The following ANKS1B variants were observed in gnomAD, a reference collection of about 807,000 sequenced individuals.
The protein encoded by ANKS1B is ankyrin repeat and sterile alpha motif domain containing 1B.
Under a neutral mutation model 148.3 loss-of-function variants are expected in ANKS1B, and 36 were observed. The ratio of observed to expected loss-of-function variants is 0.24; its 90% CI spans 0.19 to 0.32. The LOEUF is 0.32. ANKS1B is among the 10% of genes least tolerant of loss of function. The probability of loss-of-function intolerance (pLI) is 1.00; values close to 1 mark genes in which losing one functional copy is unlikely to be tolerated. For missense variants in ANKS1B, 1,157 were observed against 1,542.6 expected (o/e 0.75, Z 4.19); for synonymous variants, 542 against 560.8 (o/e 0.97, Z 0.47).
At chr12:98,765,060 C>T (rs1001248312) in intron 25 of ANKS1B, among the ~76,000 whole-genome samples, 6 of 152,180 alleles carry the variant, frequency 3.9e-5, no homozygotes, top group Non-Finnish European at 5.9e-5. Context: ...AAAACCGGGA[C>T]ATAAAGCCTC....
chr12:99,446,590 T>C (rs966041947), intron 10 of ANKS1B, among the ~76,000 whole-genome samples: 2 of 152,100 alleles, frequency 1.3e-5, no homozygotes, highest in African/African-American at 4.8e-5. Flanking sequence ...GATGCCATGT[T>C]ACCCTTCTGA....
At chr12:98,886,397 T>G (rs111653245) in intron 17 of ANKS1B, among the ~76,000 whole-genome samples, 9 of 152,070 alleles carry the variant, frequency 5.9e-5, no homozygotes, top group African/African-American at 1.7e-4. Flanking sequence ...CTTCTGATAG[T>G]TGAATTACTG....
intron 2 of ANKS1B, among the ~76,000 whole-genome samples, chr12:99,819,209 A>G (rs1243986806): frequency 6.6e-6 from 1 of 151,932 alleles, no homozygotes; most frequent in Non-Finnish European, 1.5e-5. Context: ...AAAAGATTTC[A>G]GGACAATACG....
At chr12:98,938,858 G>A (rs76958213) in intron 17 of ANKS1B, among the ~76,000 whole-genome samples, 16 of 152,234 alleles carry the variant, frequency 1.1e-4, no homozygotes, top group African/African-American at 3.9e-4. Flanking sequence ...GTTGGGCAAC[G>A]TGAAAATGTG....
chr12:99,179,158 G>A lies in ANKS1B; in HGVS notation c.2420-24763C>T, dbSNP rs188936897. Reference sequence around the variant, plus strand: ...ATAAATTTAGTTGAGGCCGGGCGCGGTGGCTCATGCCTATAATCCCAGCAC... The same window carrying A: ...ATAAATTTAGTTGAGGCCGGGCGCGATGGCTCATGCCTATAATCCCAGCAC... On this transcript the variant is annotated intron_variant, in intron 14 of 26. Transcript: ENST00000683438. 3.6e-3 allele frequency among the ~76,000 whole-genome samples: 551 copies of A among 152,266 alleles called. 4 individuals carry two copies. The highest frequency in any genetic ancestry group is 0.012 in the African/African-American group (519 of 41,570).
intron 1 of ANKS1B, among the ~76,000 whole-genome samples, chr12:99,924,824 G>C (rs1407437871): frequency 2.6e-5 from 4 of 152,088 alleles, no homozygotes; most frequent in Non-Finnish European, 5.9e-5. Flanking sequence ...TCTTATTATA[G>C]CTGCCCAAAT....
At chr12:99,888,087 A>G (rs2092917946) in intron 1 of ANKS1B, among the ~76,000 whole-genome samples, 1 of 152,218 alleles carries the variant, frequency 6.6e-6, no homozygotes, top group Non-Finnish European at 1.5e-5. Context: ...CAGACGTAGA[A>G]AGAGACATAG....
chr12:99,276,388 T>C (rs2153993876), intron 12 of ANKS1B, among the ~76,000 whole-genome samples: 1 of 152,264 alleles, frequency 6.6e-6, no homozygotes, highest in African/African-American at 2.4e-5. Flanking sequence ...ATGATTAAAG[T>C]AAAATGATGC....
intron 17 of ANKS1B, chr12:98,894,984 T>TGGCGGCAGC (rs1301522375): frequency 4.1e-5 from 32 of 780,132 alleles, no homozygotes; most frequent in East Asian, 3.9e-4. Context: ...GCGCCTGCCC[T>TGGCGGCAGC]GGCGGCAGCG....
intron 9 of ANKS1B, among the ~76,000 whole-genome samples, chr12:99,652,710 T>C (rs898069009): frequency 2.0e-4 from 30 of 152,106 alleles, no homozygotes; most frequent in African/African-American, 7.2e-4. Flanking sequence ...TTTAATTTAA[T>C]AATGGATAAT....
chr12:99,098,714 C>A lies in ANKS1B; in HGVS notation c.2527-13691G>T, dbSNP rs368805443. On this transcript the variant is annotated intron_variant, in intron 15 of 26. Transcript: ENST00000683438. ...TCATGTTGTTTTTGCTGGAAATAGT[C>A]TATTCTGAAAGAGGCAGCATGTGTG... 1.1e-3 allele frequency among the ~76,000 whole-genome samples: 122 copies of A among 115,960 alleles called. No individual in the cohort carries two copies. In the South Asian group the frequency reaches 0.021, roughly 20 times the overall value. 76.1% of individuals were successfully genotyped at this position (115,960 alleles called of 152,430 possible). A position where few individuals can be genotyped will look rare whatever the true frequency, so the allele number is the denominator to read the frequency against.
intron 12 of ANKS1B, among the ~76,000 whole-genome samples, chr12:99,345,726 C>G (rs1423844536): frequency 6.6e-6 from 1 of 151,900 alleles, no homozygotes; most frequent in South Asian, 2.1e-4. Context: ...AAGTGGGTCT[C>G]TTTTCATTCT....
chr12:99,135,886 C>T (rs573791134), intron 15 of ANKS1B, among the ~76,000 whole-genome samples: 3 of 152,186 alleles, frequency 2.0e-5, no homozygotes, highest in African/African-American at 7.2e-5. Flanking sequence ...ACAGGTCCAG[C>T]TTCGGACAGG....
intron 9 of ANKS1B, among the ~76,000 whole-genome samples, chr12:99,576,113 A>C (rs1470191342): frequency 3.9e-5 from 6 of 152,146 alleles, no homozygotes; most frequent in Admixed American, 3.9e-4. Flanking sequence ...ATTTGAGACA[A>C]AACAGATTTT....
chr12:99,521,144 G>T (rs913489769), intron 9 of ANKS1B, among the ~76,000 whole-genome samples: 9 of 152,052 alleles, frequency 5.9e-5, no homozygotes, highest in African/African-American at 2.2e-4. Flanking sequence ...TTCTTCTGCT[G>T]CTTGATCAAT....
chr12:99,941,904 T>C (rs1481112440), intron 1 of ANKS1B, among the ~76,000 whole-genome samples: 14 of 152,168 alleles, frequency 9.2e-5, no homozygotes, highest in Admixed American at 2.6e-4. Context: ...CAGAAGAAGG[T>C]GGACAGGGAG....
At chr12:99,243,569 C>G (rs2089746777) in intron 14 of ANKS1B, among the ~76,000 whole-genome samples, 1 of 152,220 alleles carries the variant, frequency 6.6e-6, no homozygotes, top group African/African-American at 2.4e-5. Flanking sequence ...TATGAAGACA[C>G]ATGCACACGT....
rs752790736 is a variant in ANKS1B, at chr12:99,053,151, A to G, written c.2778+6T>C. The G allele has an allele frequency of 1.9e-6, 3 of 1,601,872 alleles. No homozygotes were observed. The highest frequency in any genetic ancestry group is 2.6e-6 in the Non-Finnish European group (3 of 1,174,480). On this transcript the variant is annotated splice_donor_region_variant and intron_variant, in intron 17 of 26. Coordinates refer to ENST00000683438, the MANE Select transcript of ANKS1B (RefSeq NM_001352186.2). Reference sequence around the variant, plus strand: ...TAGTTAAGGTGTCACTAAGAGACCAACTTACATTAATAAGTTCAACCTCCC... The same window carrying G: ...TAGTTAAGGTGTCACTAAGAGACCAGCTTACATTAATAAGTTCAACCTCCC...
chr12:99,261,171 A>G (rs759396145), intron 12 of ANKS1B, among the ~76,000 whole-genome samples: 3 of 152,140 alleles, frequency 2.0e-5, no homozygotes, highest in Admixed American at 6.6e-5. Context: ...CCTCCACCGA[A>G]TAGCCCTTAA....
Sources: allele counts gnomAD v4.1 joint callset (sites outside exome capture counted in the v4.1 genomes callset), GRCh38; gene constraint gnomAD v4.1.1; transcripts MANE v1.5; gene names NCBI Gene and HGNC (gene_info 2026-07-23, HGNC 2026-07-21).